The following SLC25A37 variants were observed in gnomAD, a reference collection of about 807,000 sequenced individuals.
The protein encoded by SLC25A37 is solute carrier family 25 member 37.
Under a neutral mutation model 31.0 loss-of-function variants are expected in SLC25A37, and 17 were observed. The ratio of observed to expected loss-of-function variants is 0.55; its 90% CI spans 0.38 to 0.82. SLC25A37 has a LOEUF of 0.82. Ranked by LOEUF, SLC25A37 falls within the 40% of genes least tolerant of loss-of-function variation. The pLI, the probability that SLC25A37 is intolerant of heterozygous loss-of-function variation, is 0.00. For missense variants in SLC25A37, 404 were observed against 465.8 expected (o/e 0.87, Z 1.22); for synonymous variants, 222 against 193.0 (o/e 1.15, Z -1.24).
At chr8:23,539,139 C>G (rs1801838535) in intron 1 of SLC25A37, among the ~76,000 whole-genome samples, 1 of 152,230 alleles carries the variant, frequency 6.6e-6, no homozygotes, top group Non-Finnish European at 1.5e-5. Flanking sequence ...TTCATGCTTT[C>G]TCTCTGAAGA....
intron 1 of SLC25A37, among the ~76,000 whole-genome samples, chr8:23,562,663 C>G (rs1171057467): frequency 6.6e-6 from 1 of 152,188 alleles, no homozygotes; most frequent in Non-Finnish European, 1.5e-5. Flanking sequence ...AGCCCCTCGA[C>G]AGGGGACTCT....
chr8:23,544,102 C>T (rs927174802), intron 1 of SLC25A37, among the ~76,000 whole-genome samples: 2 of 151,964 alleles, frequency 1.3e-5, no homozygotes, highest in South Asian at 2.1e-4. Flanking sequence ...TCAAGTGATC[C>T]ACCTGCCCTA....
In SLC25A37 at chr8:23,571,531, C is replaced by G. The variant is rs562257260; in HGVS notation, c.693C>G (p.Thr231=). 1.2e-6 allele frequency: 2 copies of G among 1,613,946 alleles called. No individual in the cohort carries two copies. Among genetic ancestry groups the G allele is most frequent in the Admixed American group, 3.3e-5 (2 of 60,026 alleles). ...AGGAGCAGGTCAACCCCCACCGGAC[C>G]TACAACCCGCAGTCCCACATCATCT... is the stretch of plus-strand genomic sequence containing the variant. ...FLQEQVNPHR[T]YNPQSHIISG... Residue 231 remains threonine (T), a synonymous_variant, in exon 4 of 4, where the codon ACC becomes ACG. Transcript: ENST00000519973.
intron 1 of SLC25A37, among the ~76,000 whole-genome samples, chr8:23,539,277 G>A (rs1397701227): frequency 2.7e-5 from 4 of 149,480 alleles, no homozygotes; most frequent in Non-Finnish European, 4.4e-5. Context: ...TTGTGTCACT[G>A]AGGGAACTTC....
At chr8:23,568,669 AGTGG>A (rs1296339695) in intron 3 of SLC25A37, 3 of 416,172 alleles carry the variant, frequency 7.2e-6, no homozygotes, top group African/African-American at 6.1e-5. Context: ...GGCTGGGTGC[AGTGG>A]CTCATGCCTG....
intron 1 of SLC25A37, among the ~76,000 whole-genome samples, chr8:23,539,380 CTG>C (rs1269940825): frequency 3.3e-5 from 5 of 152,228 alleles, no homozygotes; most frequent in Admixed American, 2.0e-4. Flanking sequence ...GCCACGTGGT[CTG>C]TGATGGCTGT....
rs1563256228 is a variant in SLC25A37 at position 23,546,578 on chromosome 8, ATATAGTG to A, written c.210+17371_210+17377del. On this transcript the variant is annotated intron_variant, in intron 1 of 3. Transcript: ENST00000519973. ...AGTGTATATATATATATATATATAT[ATATAGTG>A]TATATATATATAGTGTATGTGTGTG... Among the ~76,000 whole-genome samples, 60 of 60,840 alleles carry A rather than the reference ATATAGTG, an allele frequency of 9.9e-4. 1 individual carries two copies. The East Asian group carries it at 0.011, about 11-fold the overall frequency. The allele number at this position is 60,840 out of a possible 152,430, so 39.9% of individuals were successfully genotyped here.
intron 1 of SLC25A37, among the ~76,000 whole-genome samples, chr8:23,542,157 T>G (rs1801910988): frequency 6.6e-6 from 1 of 152,158 alleles, no homozygotes; most frequent in Non-Finnish European, 1.5e-5. Context: ...TAGATTATAG[T>G]GGAGCTGAAA....
At chr8:23,533,604 G>T (rs1435492432) in intron 1 of SLC25A37, among the ~76,000 whole-genome samples, 2 of 152,182 alleles carry the variant, frequency 1.3e-5, no homozygotes, top group Non-Finnish European at 2.9e-5. Flanking sequence ...GACTTCAGGG[G>T]TTTCCTTCTT....
At chr8:23,552,965 T>C (rs953899984) in intron 1 of SLC25A37, among the ~76,000 whole-genome samples, 13 of 152,074 alleles carry the variant, frequency 8.5e-5, no homozygotes, top group African/African-American at 2.9e-4. Context: ...GCGGGAGCCT[T>C]GTGTGGAGTC....
At chr8:23,544,582 A>G (rs1801986065) in intron 1 of SLC25A37, among the ~76,000 whole-genome samples, 1 of 152,128 alleles carries the variant, frequency 6.6e-6, no homozygotes, top group Admixed American at 6.5e-5. Flanking sequence ...GTCTTCAGGG[A>G]TCCTGCACCT....
At position 23,573,807 on chromosome 8, in the gene SLC25A37, G is replaced by A. The variant is rs1385264813; in HGVS notation, c.*1952G>A. ...TGCCCTGTCCCATCTGGCAGTTAAC[G>A]CCTTCTCCCTGCTCTGCCCCCCACT... On this transcript the variant is annotated 3_prime_UTR_variant, in exon 4 of 4. Transcript: ENST00000519973. 3 of 456,532 alleles carry A rather than the reference G, an allele frequency of 6.6e-6. No homozygotes were observed. The highest frequency in any genetic ancestry group is 3.1e-5 in the South Asian group (2 of 64,572). The allele number at this position is 456,532 out of a possible 1,614,324, so 28.3% of individuals were successfully genotyped here.
In SLC25A37 at chr8:23,571,597, C is replaced by G. The variant is rs759162331; in HGVS notation, c.759C>G (p.Thr253=). Residue 253 remains threonine (T), a synonymous_variant, in exon 4 of 4, where the codon ACC becomes ACG. Coordinates refer to ENST00000519973, the MANE Select transcript of SLC25A37 (RefSeq NM_016612.4). ...GGGCCCTCGCCGCGGCCGCCACGAC[C>G]CCCCTGGACGTCTGTAAGACCCTTC... is the stretch of plus-strand genomic sequence containing the variant. ...LAGALAAAAT[T]PLDVCKTLLN... is the part of the protein sequence containing the mutation. 3.1e-6 allele frequency: 5 copies of G among 1,613,874 alleles called. No homozygotes were observed. The highest frequency in any genetic ancestry group is 4.2e-6 in the Non-Finnish European group (5 of 1,179,852).
chr8:23,533,555 C>T (rs1283021279), intron 1 of SLC25A37, among the ~76,000 whole-genome samples: 2 of 152,148 alleles, frequency 1.3e-5, no homozygotes, highest in Non-Finnish European at 2.9e-5. Context: ...ATCAGTTCCA[C>T]TTTCTCTGTT....
At chr8:23,539,096 T>C (rs1348340057) in intron 1 of SLC25A37, among the ~76,000 whole-genome samples, 2 of 152,198 alleles carry the variant, frequency 1.3e-5, no homozygotes, top group African/African-American at 4.8e-5. Flanking sequence ...GGAAGGGCCG[T>C]TGTCGGGTAC....
chr8:23,568,632 G>T, intron 3 of SLC25A37: 1 of 501,804 alleles, frequency 2.0e-6, no homozygotes. Context: ...CAGACATCTT[G>T]AGGGGTGTTG....
intron 1 of SLC25A37, among the ~76,000 whole-genome samples, chr8:23,537,845 G>A (rs543229820): frequency 2.6e-5 from 4 of 152,230 alleles, no homozygotes; most frequent in South Asian, 2.1e-4. Flanking sequence ...GAGTAGCCAC[G>A]TCTTTCTGTA....
intron 1 of SLC25A37, among the ~76,000 whole-genome samples, chr8:23,535,430 C>T (rs1425367786): frequency 2.0e-5 from 3 of 152,200 alleles, no homozygotes; most frequent in Non-Finnish European, 2.9e-5. Flanking sequence ...TCCTTCCAAA[C>T]TCTCTTGCCT....
At position 23,573,914 on chromosome 8, in the gene SLC25A37, C is replaced by G. The variant is rs1802925795; in HGVS notation, c.*2059C>G. On this transcript the variant is annotated 3_prime_UTR_variant, in exon 4 of 4. Transcript: ENST00000519973. ...ACGCTACTGTTGAAAATGTTTACATCTCCGCTCTCAACCTGCCTTGGGTTC... is the reference window on the plus strand; with the variant it reads ...ACGCTACTGTTGAAAATGTTTACATGTCCGCTCTCAACCTGCCTTGGGTTC... 2 of 451,632 alleles carry G rather than the reference C, an allele frequency of 4.4e-6. No homozygotes were observed. Among genetic ancestry groups the G allele is most frequent in the Non-Finnish European group, 9.0e-6 (2 of 222,822 alleles). The allele number at this position is 451,632 out of a possible 1,614,324, so 28.0% of individuals were successfully genotyped here.
Sources: allele counts gnomAD v4.1 joint callset (sites outside exome capture counted in the v4.1 genomes callset), GRCh38; gene constraint gnomAD v4.1.1; transcripts MANE v1.5; gene names NCBI Gene and HGNC (gene_info 2026-07-23, HGNC 2026-07-21).